Variants in UBOX5 observed in about 807,000 individuals in gnomAD.
UBOX5 encodes the protein RING finger protein 37.
UBOX5 carries 28 observed loss-of-function variants against 39.0 expected under a neutral mutation model. The observed-to-expected ratio is 0.72, with a 90% CI of 0.53 to 0.98. The LOEUF (loss-of-function observed/expected upper bound fraction) is 0.98, where lower values mean the gene tolerates loss of function less well. Ranked by LOEUF, UBOX5 falls within the 50% of genes least tolerant of loss-of-function variation. UBOX5 has a pLI of 0.00. For missense variants in UBOX5, 585 were observed against 674.4 expected (o/e 0.87, Z 1.47); for synonymous variants, 283 against 275.5 (o/e 1.03, Z -0.27).
At chr20:3,152,474 C>A (rs1346888882) in intron 1 of UBOX5, among the ~76,000 whole-genome samples, 1 of 151,894 alleles carries the variant, frequency 6.6e-6, no homozygotes, top group Admixed American at 6.6e-5. Context: ...TGCACTGCAG[C>A]CCGGGCGATA....
At chr20:3,116,481 G>C (rs2066294465) in intron 3 of UBOX5, 1 of 152,230 alleles carries the variant, frequency 6.6e-6, no homozygotes, top group South Asian at 2.1e-4. Flanking sequence ...TTTGTCCACT[G>C]TTTGCAGGAC....
At chr20:3,158,525 G>C (rs1191531245) in intron 1 of UBOX5, among the ~76,000 whole-genome samples, 1 of 151,988 alleles carries the variant, frequency 6.6e-6, no homozygotes. Flanking sequence ...CCAGGCTGGA[G>C]TGCAGTGGCG....
intron 1 of UBOX5, among the ~76,000 whole-genome samples, chr20:3,125,976 A>G (rs1181798236): frequency 6.6e-6 from 1 of 152,274 alleles, no homozygotes; most frequent in Non-Finnish European, 1.5e-5. Context: ...CCAAGTGTGA[A>G]GTGACAGCCT....
rs2066241153 is a variant in UBOX5, at chr20:3,110,091, G to A, written c.*15C>T. 5 of 1,609,460 alleles carry A rather than the reference G, an allele frequency of 3.1e-6. No individual in the cohort carries two copies. Among genetic ancestry groups the A allele is most frequent in the Non-Finnish European group, 4.2e-6 (5 of 1,179,966 alleles). ...TCCTCCCAGCAATGGGTCTCCTCCA[G>A]TGGAGGTCAGTCACTCAGAAGTGGA... On this transcript the variant is annotated 3_prime_UTR_variant, in exon 5 of 5. Transcript: ENST00000217173.
chr20:3,112,568 G>T (rs1402971826), intron 4 of UBOX5, among the ~76,000 whole-genome samples: 1 of 152,176 alleles, frequency 6.6e-6, no homozygotes, highest in African/African-American at 2.4e-5. Flanking sequence ...GGCTAACATG[G>T]CCTCCTGTAG....
At position 3,109,872 on chromosome 20, in the gene UBOX5, G is replaced by A; in HGVS notation, c.*234C>T. ...CAGTGGGTCCTGGGCTCAGGCAGGGGGGGTGGCAGGGAGGCAGGGACATCC... is the reference window on the plus strand; with the variant it reads ...CAGTGGGTCCTGGGCTCAGGCAGGGAGGGTGGCAGGGAGGCAGGGACATCC... On this transcript the variant is annotated 3_prime_UTR_variant, in exon 5 of 5. Coordinates refer to ENST00000217173, the MANE Select transcript of UBOX5 (RefSeq NM_014948.4). The A allele has an allele frequency of 1.7e-6, 1 of 588,998 alleles. No individual in the cohort carries two copies. The highest frequency in any genetic ancestry group is 3.0e-6 in the Non-Finnish European group (1 of 333,924). The allele number at this position is 588,998 out of a possible 1,614,324, so 36.5% of individuals were successfully genotyped here.
At chr20:3,150,308 A>T (rs116712514) in intron 1 of UBOX5, among the ~76,000 whole-genome samples, 2,174 of 152,266 alleles carry the variant, frequency 0.014, 28 homozygotes, top group South Asian at 0.043. Context: ...TGGGAAGCAA[A>T]GAGTACCCCA....
chr20:3,130,266 T>TAAATAAAC (rs1488397461), intron 1 of UBOX5, among the ~76,000 whole-genome samples: 19 of 149,058 alleles, frequency 1.3e-4, no homozygotes, highest in South Asian at 2.1e-4. Context: ...AATAAATAAA[T>TAAATAAAC]AAACAAACAA....
chr20:3,115,840 T>G (rs569565035), intron 3 of UBOX5, among the ~76,000 whole-genome samples: 5 of 142,514 alleles, frequency 3.5e-5, no homozygotes, highest in Admixed American at 7.7e-5. Context: ...CTCAGCTCAC[T>G]GCAACCTTCG....
intron 1 of UBOX5, among the ~76,000 whole-genome samples, chr20:3,153,417 CTCTGTAATGTAAGTTTATA>C (rs2066651383): frequency 6.6e-6 from 1 of 152,214 alleles, no homozygotes; most frequent in Non-Finnish European, 1.5e-5. Context: ...CTTATAACAT[CTCTGTAATGTAAGTTTATA>C]ATCCCCATAT....
chr20:3,143,298 C>T (rs2066533657), intron 1 of UBOX5, among the ~76,000 whole-genome samples: 1 of 151,648 alleles, frequency 6.6e-6, no homozygotes, highest in African/African-American at 2.4e-5. Flanking sequence ...AGACAGGTTT[C>T]ACCATGTTGG....
chr20:3,126,511 T>TAA (rs555965336), intron 1 of UBOX5, among the ~76,000 whole-genome samples: 5 of 49,770 alleles, frequency 1.0e-4, no homozygotes, highest in Admixed American at 2.2e-4. Flanking sequence ...CAATAAATAC[T>TAA]AAAAAAAAAA....
intron 3 of UBOX5, among the ~76,000 whole-genome samples, chr20:3,117,057 C>G (rs979012936): frequency 1.3e-5 from 2 of 151,490 alleles, no homozygotes; most frequent in South Asian, 2.1e-4. Flanking sequence ...AATCACACTA[C>G]TGCACTCCAG....
At chr20:3,159,008 C>G (rs2066718508) in intron 1 of UBOX5, among the ~76,000 whole-genome samples, 3 of 152,154 alleles carry the variant, frequency 2.0e-5, no homozygotes, top group Admixed American at 6.5e-5. Context: ...AAGCACTGTC[C>G]AAGGGTCTGA....
chr20:3,148,014 T>TA, intron 1 of UBOX5: 3 of 1,614,198 alleles, frequency 1.9e-6, no homozygotes, highest in Non-Finnish European at 2.5e-6. Flanking sequence ...AAGGAGCGAC[T>TA]ACTCAGATGC....
chr20:3,148,790 C>A (rs1041370162), intron 1 of UBOX5: 19 of 1,614,078 alleles, frequency 1.2e-5, no homozygotes, highest in Non-Finnish European at 1.6e-5. Flanking sequence ...CCTGGGTGAG[C>A]CCAGCTGCAA....
Position 3,110,062 on chromosome 20 carries a change from C to G in UBOX5, c.*44G>C. ...CTGTGGCCCTGCTCCTGTTCCCCCT[C>G]AGCTCCTCCCAGCAATGGGTCTCCT... On this transcript the variant is annotated 3_prime_UTR_variant, in exon 5 of 5. Coordinates refer to ENST00000217173, the MANE Select transcript of UBOX5 (RefSeq NM_014948.4). 6.2e-7 allele frequency: 1 copy of G among 1,602,456 alleles called. No homozygotes were observed. Among genetic ancestry groups the G allele is most frequent in the Non-Finnish European group, 8.5e-7 (1 of 1,178,406 alleles).
At chr20:3,113,177 C>T (rs553768284) in intron 4 of UBOX5, among the ~76,000 whole-genome samples, 3 of 149,014 alleles carry the variant, frequency 2.0e-5, no homozygotes, top group African/African-American at 7.4e-5. Flanking sequence ...ATCCCAGCTA[C>T]TAGTGGGGGC....
At chr20:3,112,835 G>A (rs568070916) in intron 4 of UBOX5, among the ~76,000 whole-genome samples, 47 of 152,050 alleles carry the variant, frequency 3.1e-4, no homozygotes, top group Admixed American at 7.2e-4. Flanking sequence ...GCGTGGTGGC[G>A]GGCGCCTGTA....
Sources: allele counts gnomAD v4.1 joint callset (sites outside exome capture counted in the v4.1 genomes callset), GRCh38; gene constraint gnomAD v4.1.1; transcripts MANE v1.5; gene names NCBI Gene and HGNC (gene_info 2026-07-23, HGNC 2026-07-21).